Variants in LY75 observed in about 807,000 individuals in gnomAD.
LY75 encodes C-type lectin domain family 13 member B.
LY75 carries 185 observed loss-of-function variants against 231.7 expected under a neutral mutation model. The observed-to-expected ratio is 0.80, with a 90% CI of 0.71 to 0.90. LY75 has a LOEUF of 0.90. Ranked by LOEUF, LY75 falls within the 40% of genes least tolerant of loss-of-function variation. The pLI is 0.00. For missense variants in LY75, 1,947 were observed against 2,050.2 expected, an observed-to-expected ratio of 0.95 and a Z score of 0.97; for synonymous variants, 668 against 689.0, an observed-to-expected ratio of 0.97 and a Z score of 0.48.
In LY75 at chr2:159,850,791, T is replaced by TATATATATATATATAA. The variant is rs1341394980; in HGVS notation, c.2884-325_2884-324insTTATATATATATATAT. On this transcript the variant is annotated intron_variant, in intron 21 of 34. Coordinates refer to ENST00000263636, the MANE Select transcript of LY75 (RefSeq NM_002349.4). ...AAACTTTCATATATATATATATATA[T>TATATATATATATATAA]ATATATATTATATCTTATATATAAG... 6.7e-4 allele frequency among the ~76,000 whole-genome samples: 63 copies of TATATATATATATATAA among 94,450 alleles called. 4 individuals are homozygous for TATATATATATATATAA. The highest frequency in any genetic ancestry group is 9.6e-4 in the Non-Finnish European group (42 of 43,766). The allele number at this position is 94,450 out of a possible 152,430, so 62.0% of individuals were successfully genotyped here.
At chr2:159,864,944 A>C (rs1345942751) in intron 13 of LY75, 24 bp from the exon 14 acceptor site, 1 of 1,585,728 alleles carries the variant, frequency 6.3e-7, no homozygotes, top group East Asian at 2.3e-5. Flanking sequence ...AAGTGTTAAA[A>C]ATACAGGACA....
Position 159,840,729 on chromosome 2 carries a change from A to G in LY75, c.3507T>C (p.Asp1169=). The part of the protein sequence containing the change: ...SSLWIGLFSQ[D]DELNFGWSDG... Reference sequence around the variant, plus strand: ...CTGGCAGTTGGGACTGAACACTTACATCTTGACTGAAGAGTCCGATCCATA... The same window carrying G: ...CTGGCAGTTGGGACTGAACACTTACGTCTTGACTGAAGAGTCCGATCCATA... The change falls in exon 25 of 35, where the codon GAT becomes GAC. Residue 1169 remains aspartate, a splice_region_variant and synonymous_variant. Transcript: ENST00000263636. The G allele has an allele frequency of 6.2e-7, 1 of 1,614,040 alleles. No homozygotes were observed. The highest frequency in any genetic ancestry group is 8.5e-7 in the Non-Finnish European group (1 of 1,179,936).
chr2:159,808,949 CCTCCAAGT>C (rs201651326), intron 32 of LY75, among the ~76,000 whole-genome samples: 2 of 152,142 alleles, frequency 1.3e-5, no homozygotes, highest in East Asian at 3.8e-4. Context: ...GACCCTCATG[CCTCCAAGT>C]CTTAAGTGCT....
chr2:159,816,782 T>G, intron 30 of LY75, 24 bp downstream of exon 30: 1 of 1,608,136 alleles, frequency 6.2e-7, no homozygotes, highest in African/African-American at 1.3e-5. Context: ...TTGAAAAGTT[T>G]CTGGAAAACG....
At chr2:159,874,624 A>G (rs1436309565) in intron 12 of LY75, among the ~76,000 whole-genome samples, 1 of 32,278 alleles carries the variant, frequency 3.1e-5, no homozygotes, top group African/African-American at 1.5e-4. Context: ...AAATATATAT[A>G]TAGTAAATAT....
At position 159,803,363 on chromosome 2, in the gene LY75, T is replaced by C. The variant is rs1274565178; in HGVS notation, c.*1681A>G. 6.6e-6 allele frequency: 1 copy of C among 152,198 alleles called. No individual in the cohort carries two copies. Among genetic ancestry groups the C allele is most frequent in the Non-Finnish European group, 1.5e-5 (1 of 68,036 alleles). The allele number at this position is 152,198 out of a possible 1,614,324, so 9.4% of individuals were successfully genotyped here. ...AGGATCAACTCCAGCACTTTTACTT[T>C]TACTTAAAAGATAAAACAACTTTAT... On this transcript the variant is annotated 3_prime_UTR_variant, in exon 35 of 35. Transcript: ENST00000263636.
At chr2:159,850,564 C>A in intron 21 of LY75, 97 bp from the exon 22 acceptor site, 4 of 1,515,278 alleles carry the variant, frequency 2.6e-6, no homozygotes, top group Non-Finnish European at 3.6e-6. Context: ...TGCTAATTTT[C>A]GGTCTGTGAG....
chr2:159,850,791 T>TATATATATATATATATATATAAATAA (rs1341394980), intron 21 of LY75, among the ~76,000 whole-genome samples: 15 of 94,480 alleles, frequency 1.6e-4, no homozygotes, highest in African/African-American at 5.2e-4. Flanking sequence ...TATATATATA[T>TATATATATATATATATATATAAATAA]ATATATATTA....
At chr2:159,832,243 C>T (rs555918843) in intron 27 of LY75, among the ~76,000 whole-genome samples, 4 of 152,314 alleles carry the variant, frequency 2.6e-5, no homozygotes, top group African/African-American at 4.8e-5. Context: ...TGTTAGGAAC[C>T]GGGCCATACA....
At chr2:159,829,947 G>T (rs902157099) in intron 28 of LY75, among the ~76,000 whole-genome samples, 1 of 152,152 alleles carries the variant, frequency 6.6e-6, no homozygotes, top group Non-Finnish European at 1.5e-5. Context: ...TCTGTCCTGG[G>T]TGTGGTCTCT....
rs990683095 is a variant in LY75 at position 159,904,459 on chromosome 2, G to GCC, written c.94+128_94+129dup. The GCC allele has an allele frequency of 3.8e-6, 4 of 1,049,344 alleles. No homozygotes were observed. In the Admixed American group the frequency reaches 1.2e-4, roughly 31 times the overall value. The allele number at this position is 1,049,344 out of a possible 1,614,324, so 65.0% of individuals were successfully genotyped here. On this transcript the variant is annotated intron_variant, in intron 1 of 34. Coordinates refer to ENST00000263636, the MANE Select transcript of LY75 (RefSeq NM_002349.4). Reference sequence around the variant, plus strand: ...TGCGACTCACTCTTCCGGCTCCAGAGCCCCCCCGCCCCAACAGCAAAGCAG... The same window carrying GCC: ...TGCGACTCACTCTTCCGGCTCCAGAGCCCCCCCCCGCCCCAACAGCAAAGCAG...
At chr2:159,896,396 A>T (rs1428618471) in intron 2 of LY75, among the ~76,000 whole-genome samples, 2 of 152,214 alleles carry the variant, frequency 1.3e-5, no homozygotes, top group Non-Finnish European at 1.5e-5. Context: ...ATGTTCTTGT[A>T]TCACAAGTGA....
At position 159,834,030 on chromosome 2, in the gene LY75, A is replaced by AATAT; in HGVS notation, c.3841+10_3841+13dup. ...CCTTATAGCAACATGAGAATGGACT[A>AATAT]ATATAATACTTACTCAGTTTCTGGC... On this transcript the variant is annotated intron_variant, in intron 27 of 34. Transcript: ENST00000263636. 6.2e-7 allele frequency: 1 copy of AATAT among 1,611,958 alleles called. No individual in the cohort carries two copies. Among genetic ancestry groups the AATAT allele is most frequent in the Middle Eastern group, 1.7e-4 (1 of 6,012 alleles).
At chr2:159,831,871 C>T (rs1683672793) in intron 27 of LY75, 85 bp from the exon 28 acceptor site, 2 of 1,093,090 alleles carry the variant, frequency 1.8e-6, no homozygotes, top group Admixed American at 2.8e-5. Flanking sequence ...TTTTAGTTCT[C>T]AGTTTAATAT....
chr2:159,819,749 A>T lies in LY75; in HGVS notation c.4130T>A (p.Ile1377Asn), dbSNP rs748915888. ...ACCCATTTCAATTTTACAAGCAAGA[A>T]TGCTGTGCTGGTGAAAATAAACTGC... ...EEAVYFHQHS[I>N]LACKIEMVDY... Residue 1377 changes from isoleucine to asparagine, a missense_variant, in exon 29 of 35, where the codon ATT becomes AAT. Transcript: ENST00000263636. 1 of 1,612,468 alleles carries T rather than the reference A, an allele frequency of 6.2e-7. No individual in the cohort carries two copies. The highest frequency in any genetic ancestry group is 8.5e-7 in the Non-Finnish European group (1 of 1,179,550).
intron 2 of LY75, among the ~76,000 whole-genome samples, chr2:159,897,614 C>T (rs1384004299): frequency 1.3e-5 from 2 of 152,148 alleles, no homozygotes; most frequent in Non-Finnish European, 2.9e-5. Context: ...TGGGAGCAAG[C>T]TGCTATAGTG....
chr2:159,812,085 GATT>G (rs1682977323), intron 31 of LY75: 1 of 151,932 alleles, frequency 6.6e-6, no homozygotes, highest in Admixed American at 6.6e-5. Flanking sequence ...GTTGAACATT[GATT>G]ATTATGGCAT....
intron 12 of LY75, 87 bp downstream of exon 12, chr2:159,875,357 G>T: frequency 6.5e-7 from 1 of 1,532,182 alleles, no homozygotes; most frequent in Non-Finnish European, 8.8e-7. Context: ...ATAGTACTAT[G>T]GAGAAGAGCA....
At chr2:159,900,992 C>A (rs1442123979) in intron 1 of LY75, among the ~76,000 whole-genome samples, 1 of 152,140 alleles carries the variant, frequency 6.6e-6, no homozygotes, top group African/African-American at 2.4e-5. Context: ...GTGCCTGCCA[C>A]CACACCCGGG....
Sources: gnomAD v4.1 joint callset for allele counts (sites outside exome capture counted in the v4.1 genomes callset) on GRCh38, gnomAD v4.1.1 for gene constraint, MANE v1.5 for transcripts, NCBI Gene and HGNC (gene_info 2026-07-23, HGNC 2026-07-21) for gene names.